LYN: variants seen among roughly 807,000 people sequenced by gnomAD.
The protein encoded by LYN is LYN proto-oncogene, Src family tyrosine kinase.
In LYN, 12 loss-of-function variants were observed where a neutral mutation model predicts 65.0. The observed-to-expected ratio is 0.18, with a 90% CI of 0.12 to 0.30. LYN has a LOEUF of 0.30. Among genes scored for constraint, LYN ranks in the 10% least tolerant of loss-of-function variants. The pLI, the probability that LYN is intolerant of heterozygous loss-of-function variation, is 1.00. For synonymous variants in LYN, 222 were observed against 221.2 expected, an observed-to-expected ratio of 1.00 and a Z score of -0.03; for missense variants, 380 against 623.2, an observed-to-expected ratio of 0.61 and a Z score of 4.16.
intron 1 of LYN, among the ~76,000 whole-genome samples, chr8:55,881,329 C>A (rs935132308): frequency 3.3e-5 from 5 of 152,158 alleles, no homozygotes. Flanking sequence ...GTCTGACTTT[C>A]CCTAAAGAAC....
At chr8:55,992,813 G>A (rs1393414024) in intron 10 of LYN, among the ~76,000 whole-genome samples, 2 of 152,054 alleles carry the variant, frequency 1.3e-5, no homozygotes, top group African/African-American at 4.8e-5. Context: ...GAAGGTGGAA[G>A]GGCACAAAAA....
chr8:55,960,372 A>G (rs1807238768), intron 8 of LYN, among the ~76,000 whole-genome samples: 1 of 152,134 alleles, frequency 6.6e-6, no homozygotes, highest in South Asian at 2.1e-4. Flanking sequence ...AGGAAGGAAA[A>G]GAAGGGAAGG....
chr8:55,882,727 T>C (rs536476083), intron 1 of LYN, among the ~76,000 whole-genome samples: 2 of 152,376 alleles, frequency 1.3e-5, no homozygotes, highest in South Asian at 4.1e-4. Context: ...GAAGTCTTCC[T>C]GAACTCTAAT....
In LYN at chr8:56,001,395, T is replaced by C. The variant is rs533889747; in HGVS notation, c.1336+1846T>C. On this transcript the variant is annotated intron_variant, in intron 12 of 12. Transcript: ENST00000519728. Reference sequence around the variant, plus strand: ...AGCAGCCCCTCTTACTCTGCTGAGATGCAAACCAGGGAAGGCTTTTGGACA... The same window carrying C: ...AGCAGCCCCTCTTACTCTGCTGAGACGCAAACCAGGGAAGGCTTTTGGACA... Among the ~76,000 whole-genome samples, 6 of 152,298 alleles carry C rather than the reference T, an allele frequency of 3.9e-5. No homozygotes were observed. In the South Asian group the frequency reaches 1.2e-3, roughly 32 times the overall value.
chr8:55,884,045 G>A (rs1215896629), intron 1 of LYN, among the ~76,000 whole-genome samples: 1 of 152,236 alleles, frequency 6.6e-6, no homozygotes, highest in Non-Finnish European at 1.5e-5. Flanking sequence ...GGAGGGATTA[G>A]AAATTTTGTC....
At chr8:55,890,407 A>G (rs1403699811) in intron 1 of LYN, among the ~76,000 whole-genome samples, 1 of 152,208 alleles carries the variant, frequency 6.6e-6, no homozygotes, top group Admixed American at 6.5e-5. Flanking sequence ...TTAAAAAAGA[A>G]CACAACAACA....
At position 55,905,271 on chromosome 8, in the gene LYN, G is replaced by A. The variant is rs143505781; in HGVS notation, c.-6+25168G>A. On this transcript the variant is annotated intron_variant, in intron 1 of 12. Coordinates refer to ENST00000519728, the MANE Select transcript of LYN (RefSeq NM_002350.4). ...ACTAAAAATACAAAAAATTAGCCAG[G>A]CGTGGTGGCAGGCACCTGTGATTCC... 4.7e-3 allele frequency among the ~76,000 whole-genome samples: 717 copies of A among 152,214 alleles called. 7 individuals carry two copies. Among genetic ancestry groups the A allele is most frequent in the African/African-American group, 0.016 (663 of 41,512 alleles).
intron 1 of LYN, among the ~76,000 whole-genome samples, chr8:55,931,109 A>G (rs1320517133): frequency 2.7e-5 from 4 of 147,894 alleles, no homozygotes; most frequent in Non-Finnish European, 6.0e-5. Flanking sequence ...TATATATATA[A>G]CTTGTATATG....
At chr8:55,993,467 C>G (rs569356264) in intron 10 of LYN, among the ~76,000 whole-genome samples, 1 of 152,288 alleles carries the variant, frequency 6.6e-6, no homozygotes, top group East Asian at 1.9e-4. Flanking sequence ...TGGTACTGAG[C>G]TCTCTTGTGG....
At chr8:55,981,798 A>G (rs1807933376) in intron 10 of LYN, among the ~76,000 whole-genome samples, 1 of 152,236 alleles carries the variant, frequency 6.6e-6, no homozygotes, top group Admixed American at 6.5e-5. Context: ...AAAGTGAGAA[A>G]AGAAGAAGGA....
chr8:55,921,989 G>A (rs937158761), intron 1 of LYN, among the ~76,000 whole-genome samples: 3 of 152,190 alleles, frequency 2.0e-5, no homozygotes, highest in African/African-American at 2.4e-5. Context: ...ACAGAGGAGC[G>A]ATGGACAGAT....
chr8:55,998,009 A>G (rs190447484), intron 10 of LYN, among the ~76,000 whole-genome samples: 25 of 152,244 alleles, frequency 1.6e-4, no homozygotes, highest in East Asian at 1.5e-3. Flanking sequence ...GTGTGAACCC[A>G]GGAGGTGGAG....
intron 2 of LYN, among the ~76,000 whole-genome samples, chr8:55,946,161 T>C (rs1187717635): frequency 6.6e-6 from 1 of 152,176 alleles, no homozygotes; most frequent in Admixed American, 6.5e-5. Context: ...ATATTAGGGC[T>C]CTGTCACCAA....
intron 10 of LYN, among the ~76,000 whole-genome samples, chr8:55,979,469 A>G (rs1325589181): frequency 6.6e-6 from 1 of 152,146 alleles, no homozygotes; most frequent in African/African-American, 2.4e-5. Flanking sequence ...GAAACACAGC[A>G]TTCTTCGCCT....
intron 10 of LYN, among the ~76,000 whole-genome samples, chr8:55,988,006 G>A (rs1268801250): frequency 6.6e-6 from 1 of 152,080 alleles, no homozygotes; most frequent in Admixed American, 6.6e-5. Flanking sequence ...AGTTATACTT[G>A]GAAAAGGAGA....
At chr8:55,997,512 A>C (rs980940860) in intron 10 of LYN, among the ~76,000 whole-genome samples, 1 of 152,112 alleles carries the variant, frequency 6.6e-6, no homozygotes, top group Non-Finnish European at 1.5e-5. Context: ...GGAAGGGGCA[A>C]GGCAGCTCTC....
intron 4 of LYN, among the ~76,000 whole-genome samples, chr8:55,950,151 A>AT (rs1806900307): frequency 6.6e-6 from 1 of 152,160 alleles, no homozygotes; most frequent in African/African-American, 2.4e-5. Context: ...GATATTCCAG[A>AT]TTTTGTCCAT....
rs1808843971 is a variant in LYN at position 56,012,413 on chromosome 8, G to A, written c.*2303G>A. 1 of 177,604 alleles carries A rather than the reference G, an allele frequency of 5.6e-6. No homozygotes were observed. Among genetic ancestry groups the A allele is most frequent in the African/African-American group, 2.4e-5 (1 of 42,238 alleles). The allele number at this position is 177,604 out of a possible 1,614,324, so 11.0% of individuals were successfully genotyped here. On this transcript the variant is annotated 3_prime_UTR_variant, in exon 13 of 13. Transcript: ENST00000519728. ...AGCTGTTGTGCAGCGGGAGATGTAT[G>A]TCAGTCTATTTTAAAAGCTTCTCCA...
At chr8:55,883,613 G>A (rs559843947) in intron 1 of LYN, among the ~76,000 whole-genome samples, 8 of 152,312 alleles carry the variant, frequency 5.3e-5, no homozygotes, top group Non-Finnish European at 8.8e-5. Context: ...GACTTTCCCC[G>A]ACCTGTGCTG....
Sources: gnomAD v4.1 joint callset for allele counts (sites outside exome capture counted in the v4.1 genomes callset) on GRCh38, gnomAD v4.1.1 for gene constraint, MANE v1.5 for transcripts, NCBI Gene and HGNC (gene_info 2026-07-23, HGNC 2026-07-21) for gene names.